GABRA2: variants seen among roughly 807,000 people sequenced by gnomAD.
The protein encoded by GABRA2 is gamma-aminobutyric acid type A receptor subunit alpha2.
A neutral mutation model predicts 48.7 loss-of-function variants in GABRA2; 16 were observed. That is an observed-to-expected ratio of 0.33 (90% CI 0.22 to 0.50). The LOEUF is 0.50. GABRA2 is among the 20% of genes least tolerant of loss of function. The probability of loss-of-function intolerance (pLI) is 0.98; values close to 1 mark genes in which losing one functional copy is unlikely to be tolerated. For missense variants in GABRA2, 275 were observed against 535.6 expected, an observed-to-expected ratio of 0.51 and a Z score of 4.80; for synonymous variants, 185 against 184.5, an observed-to-expected ratio of 1.00 and a Z score of -0.02.
chr4:46,363,749 G>T (rs1445544193), intron 3 of GABRA2: 2 of 152,038 alleles, frequency 1.3e-5, no homozygotes, highest in Admixed American at 6.6e-5. Context: ...TATGAGCAAG[G>T]ATGATAAAAA....
At chr4:46,281,684 T>C (rs1248370325) in intron 8 of GABRA2, among the ~76,000 whole-genome samples, 1 of 152,084 alleles carries the variant, frequency 6.6e-6, no homozygotes, top group Admixed American at 6.6e-5. Flanking sequence ...AAAGCTTGAT[T>C]AGGTGGATTT....
At chr4:46,260,336 T>G (rs964742968) in intron 9 of GABRA2, among the ~76,000 whole-genome samples, 4 of 151,928 alleles carry the variant, frequency 2.6e-5, no homozygotes, top group Admixed American at 6.6e-5. Flanking sequence ...CCTGGCTATG[T>G]GTAATTTGGC....
At chr4:46,326,248 C>T (rs1012352462) in intron 4 of GABRA2, among the ~76,000 whole-genome samples, 2 of 151,932 alleles carry the variant, frequency 1.3e-5, no homozygotes, top group African/African-American at 4.8e-5. Flanking sequence ...GTTCCTACAA[C>T]CCTCCTTCCC....
At chr4:46,380,589 A>G (rs1181885634) in intron 3 of GABRA2, among the ~76,000 whole-genome samples, 2 of 152,220 alleles carry the variant, frequency 1.3e-5, no homozygotes, top group Admixed American at 1.3e-4. Flanking sequence ...CAACAAACCA[A>G]TAAGCCTTGT....
chr4:46,261,458 T>A (rs1683444068), intron 9 of GABRA2: 1 of 163,468 alleles, frequency 6.1e-6, no homozygotes, highest in African/African-American at 2.4e-5. Context: ...TTAATGCCCA[T>A]TTTCTTTTTC....
intron 3 of GABRA2, among the ~76,000 whole-genome samples, chr4:46,341,173 T>C (rs2109854611): frequency 6.6e-6 from 1 of 152,124 alleles, no homozygotes; most frequent in Non-Finnish European, 1.5e-5. Flanking sequence ...TTTCCTTTAG[T>C]TCATTGAAAA....
At chr4:46,313,728 A>G (rs1246603948) in intron 4 of GABRA2, among the ~76,000 whole-genome samples, 1 of 152,122 alleles carries the variant, frequency 6.6e-6, no homozygotes, top group Non-Finnish European at 1.5e-5. Flanking sequence ...TTGTATAAAC[A>G]TACTATAAAT....
At chr4:46,262,665 C>T (rs515914) in intron 8 of GABRA2, among the ~76,000 whole-genome samples, 94,735 of 151,864 alleles carry the variant, frequency 0.62, 30,186 homozygotes, top group South Asian at 0.76. Flanking sequence ...TTTCGGAAGC[C>T]GAAGTGGGTG....
At chr4:46,262,245 T>C in intron 8 of GABRA2, 117 bp from the exon 9 acceptor site, 1 of 609,024 alleles carries the variant, frequency 1.6e-6, no homozygotes, top group Admixed American at 2.9e-5. Flanking sequence ...ATCCACTAAA[T>C]AATAATAAAT....
At chr4:46,276,563 T>C (rs560221298) in intron 8 of GABRA2, among the ~76,000 whole-genome samples, 36 of 100,262 alleles carry the variant, frequency 3.6e-4, no homozygotes, top group African/African-American at 1.3e-3. Context: ...AACAGAAACA[T>C]AAAGAAGTCA....
intron 8 of GABRA2, among the ~76,000 whole-genome samples, chr4:46,283,839 C>A (rs1458338398): frequency 5.3e-5 from 8 of 152,180 alleles, no homozygotes; most frequent in South Asian, 2.1e-4. Flanking sequence ...GGCTCACTGC[C>A]AGCTCCGCCT....
chr4:46,350,929 G>C (rs1012655049), intron 3 of GABRA2, among the ~76,000 whole-genome samples: 8 of 151,832 alleles, frequency 5.3e-5, no homozygotes, highest in Admixed American at 2.0e-4. Flanking sequence ...GTAAGAGATA[G>C]GGGGAGGGGA....
At chr4:46,346,938 C>A (rs941555431) in intron 3 of GABRA2, among the ~76,000 whole-genome samples, 1 of 151,804 alleles carries the variant, frequency 6.6e-6, no homozygotes, top group African/African-American at 2.4e-5. Context: ...CTGCAAACTA[C>A]AAAGTTAACC....
chr4:46,313,077 C>G (rs1474530291), intron 4 of GABRA2, among the ~76,000 whole-genome samples: 1 of 146,894 alleles, frequency 6.8e-6, no homozygotes, highest in East Asian at 2.0e-4. Context: ...TTTAAGTAGC[C>G]TATTTCAAGA....
At chr4:46,304,218 G>A (rs1176621302) in intron 7 of GABRA2, among the ~76,000 whole-genome samples, 1 of 152,090 alleles carries the variant, frequency 6.6e-6, no homozygotes, top group African/African-American at 2.4e-5. Flanking sequence ...GTTTTTGATT[G>A]TTCTAACTCA....
rs373660945 is a variant in GABRA2, at chr4:46,256,241, T to C, written c.1060-5637A>G. 9 of 695,184 alleles carry C rather than the reference T, an allele frequency of 1.3e-5. No individual in the cohort carries two copies. The highest frequency in any genetic ancestry group is 1.1e-4 in the East Asian group (4 of 37,024). The allele number at this position is 695,184 out of a possible 1,614,324, so 43.1% of individuals were successfully genotyped here. ...ACAGTCCATCCACTTCTCTAAGTACTCTAAAGTCTTTTCTTGGAATAAACT... is the reference window on the plus strand; with the variant it reads ...ACAGTCCATCCACTTCTCTAAGTACCCTAAAGTCTTTTCTTGGAATAAACT... On this transcript the variant is annotated intron_variant, in intron 9 of 9. Transcript: ENST00000381620.
intron 8 of GABRA2, among the ~76,000 whole-genome samples, chr4:46,292,514 TG>T (rs1723870942): frequency 6.6e-6 from 1 of 152,144 alleles, no homozygotes; most frequent in Non-Finnish European, 1.5e-5. Context: ...CTCTGATGAA[TG>T]GGATAATGGT....
In GABRA2 at chr4:46,264,299, T is replaced by C. The variant is rs531926878; in HGVS notation, c.857-2171A>G. 2.1e-4 allele frequency among the ~76,000 whole-genome samples: 32 copies of C among 152,180 alleles called. No individual in the cohort carries two copies. The Middle Eastern group carries it at 0.014, about 65-fold the overall frequency. Reference sequence around the variant, plus strand: ...GTTTTACTTCTTCCTTTCCAATCTGTATATTTTTATTTGTTTTTCTTACCT... The same window carrying C: ...GTTTTACTTCTTCCTTTCCAATCTGCATATTTTTATTTGTTTTTCTTACCT... On this transcript the variant is annotated intron_variant, in intron 8 of 9. Transcript: ENST00000381620.
intron 8 of GABRA2, among the ~76,000 whole-genome samples, chr4:46,286,468 G>T (rs1269695087): frequency 6.6e-6 from 1 of 151,974 alleles, no homozygotes; most frequent in African/African-American, 2.4e-5. Flanking sequence ...TATATTTAGA[G>T]GTAGAATTGC....
Sources: gnomAD v4.1 joint callset for allele counts (sites outside exome capture counted in the v4.1 genomes callset) on GRCh38, gnomAD v4.1.1 for gene constraint, MANE v1.5 for transcripts, NCBI Gene and HGNC (gene_info 2026-07-23, HGNC 2026-07-21) for gene names.